Variants in NDUFA10 observed in about 807,000 individuals in gnomAD.
NDUFA10 encodes the protein NADH dehydrogenase [ubiquinone] 1 alpha subcomplex subunit 10, mitochondrial.
NDUFA10 carries 40 observed loss-of-function variants against 47.8 expected under a neutral mutation model. The ratio of observed to expected loss-of-function variants is 0.84; its 90% CI spans 0.65 to 1.09. The LOEUF is 1.09. Among genes scored for constraint, NDUFA10 ranks in the 50% least tolerant of loss-of-function variants. The pLI is 0.00. For synonymous variants in NDUFA10, 183 were observed against 172.2 expected (o/e 1.06, Z -0.49); for missense variants, 413 against 451.1 (o/e 0.92, Z 0.76).
At position 240,014,724 on chromosome 2, in the gene NDUFA10, TG is replaced by T; in HGVS notation, c.669+14del. The T allele has an allele frequency of 6.2e-7, 1 of 1,614,182 alleles. No homozygotes were observed. Among genetic ancestry groups the T allele is most frequent in the Non-Finnish European group, 8.5e-7 (1 of 1,180,006 alleles). The stretch of plus-strand genomic sequence containing the variant: ...AAAATAGAGATGCTTGGCCTTTGAT[TG>T]AAAACTGCATTACATCTCCTTTCTT... On this transcript the variant is annotated intron_variant, in intron 5 of 9. Coordinates refer to ENST00000252711, the MANE Select transcript of NDUFA10 (RefSeq NM_004544.4).
chr2:239,931,712 A>G (rs11677762), intron 4 of NDUFA10, among the ~76,000 whole-genome samples: 125,422 of 152,238 alleles, frequency 0.82, 52,060 homozygotes, highest in African/African-American at 0.93. Context: ...GCGGCCCCCA[A>G]GCTGTAACGT....
At chr2:239,942,612 A>C (rs748443968) in intron 4 of NDUFA10, among the ~76,000 whole-genome samples, 5 of 152,014 alleles carry the variant, frequency 3.3e-5, no homozygotes, top group Non-Finnish European at 7.4e-5. Flanking sequence ...TAGGCAAAGC[A>C]CAGGAATATT....
chr2:239,957,519 T>G lies in NDUFA10; in HGVS notation c.*3599A>C, dbSNP rs1237708125. 1 of 152,240 alleles carries G rather than the reference T, an allele frequency of 6.6e-6. No individual in the cohort carries two copies. Among genetic ancestry groups the G allele is most frequent in the Admixed American group, 6.5e-5 (1 of 15,282 alleles). The allele number at this position is 152,240 out of a possible 1,614,324, so 9.4% of individuals were successfully genotyped here. Reference sequence around the variant, plus strand: ...AAGTGTTCACTTGTGAAAAATTTACTATTAAAATAATTTTTAAATTAAGAA... The same window carrying G: ...AAGTGTTCACTTGTGAAAAATTTACGATTAAAATAATTTTTAAATTAAGAA... On this transcript the variant is annotated 3_prime_UTR_variant, in exon 10 of 10. Coordinates refer to ENST00000252711, the MANE Select transcript of NDUFA10 (RefSeq NM_004544.4).
intron 4 of NDUFA10, among the ~76,000 whole-genome samples, chr2:239,897,189 G>A (rs931872192): frequency 6.6e-6 from 1 of 152,070 alleles, no homozygotes; most frequent in Non-Finnish European, 1.5e-5. Context: ...CGAGCAATAT[G>A]GAAAATTTCC....
intron 4 of NDUFA10, among the ~76,000 whole-genome samples, chr2:239,904,580 C>T (rs996636500): frequency 6.6e-6 from 1 of 152,238 alleles, no homozygotes; most frequent in African/African-American, 2.4e-5. Flanking sequence ...CAGCTGTCAG[C>T]CACCATGCCC....
intron 4 of NDUFA10, among the ~76,000 whole-genome samples, chr2:239,949,734 A>G (rs1303513825): frequency 6.6e-6 from 1 of 152,036 alleles, no homozygotes; most frequent in African/African-American, 2.4e-5. Flanking sequence ...CTCCCACCTC[A>G]GCCTCCCAAA....
At chr2:239,901,837 C>G (rs1693556533) in intron 4 of NDUFA10, among the ~76,000 whole-genome samples, 1 of 151,768 alleles carries the variant, frequency 6.6e-6, no homozygotes, top group Admixed American at 6.6e-5. Context: ...TCATAGGTGA[C>G]TTAAGGGGTT....
chr2:239,960,443 A>C lies in NDUFA10; in HGVS notation c.*675T>G. The C allele has an allele frequency of 1.0e-6, 1 of 988,262 alleles. No homozygotes were observed. Among genetic ancestry groups the C allele is most frequent in the Non-Finnish European group, 1.2e-6 (1 of 831,626 alleles). 61.2% of individuals were successfully genotyped at this position (988,262 alleles called of 1,614,324 possible). Reference sequence around the variant, plus strand: ...AGCCTAAGCTCAAATCTCCCTTCAAAGGAGTTTGAGACGCTGAGGACGGCC... The same window carrying C: ...AGCCTAAGCTCAAATCTCCCTTCAACGGAGTTTGAGACGCTGAGGACGGCC... On this transcript the variant is annotated 3_prime_UTR_variant, in exon 10 of 10. Transcript: ENST00000252711.
chr2:239,935,065 T>TGCTG (rs1694241434), intron 4 of NDUFA10, among the ~76,000 whole-genome samples: 5 of 151,852 alleles, frequency 3.3e-5, no homozygotes, highest in Non-Finnish European at 7.4e-5. Context: ...CCTGGGAGAG[T>TGCTG]CCTTCTCTCT....
Position 239,959,851 on chromosome 2 carries a change from G to A in NDUFA10, c.*1267C>T. 1 of 963,004 alleles carries A rather than the reference G, an allele frequency of 1.0e-6. No individual in the cohort carries two copies. The highest frequency in any genetic ancestry group is 1.8e-5 in the African/African-American group (1 of 56,738). The allele number at this position is 963,004 out of a possible 1,614,324, so 59.7% of individuals were successfully genotyped here. On this transcript the variant is annotated 3_prime_UTR_variant, in exon 10 of 10. Coordinates refer to ENST00000252711, the MANE Select transcript of NDUFA10 (RefSeq NM_004544.4). ...GAGGAAAGAAGGAGGGAAGGAAGGG[G>A]AGAGGGAAAAAGGCAGGCGGACGCA...
Position 240,019,461 on chromosome 2 carries a change from TA to T in NDUFA10, c.461-823del, listed in dbSNP as rs1697517006. On this transcript the variant is annotated intron_variant, in intron 3 of 9. Coordinates refer to ENST00000252711, the MANE Select transcript of NDUFA10 (RefSeq NM_004544.4). ...AAAAAGCAAGGCTTTATTTAACAAGTAAAATGTTTCTTTTTCATTTTAAGAA... is the reference window on the plus strand; with the variant it reads ...AAAAAGCAAGGCTTTATTTAACAAGTAAATGTTTCTTTTTCATTTTAAGAA... 3.9e-5 allele frequency among the ~76,000 whole-genome samples: 6 copies of T among 152,140 alleles called. No individual in the cohort carries two copies. In the South Asian group the frequency reaches 1.2e-3, roughly 31 times the overall value.
At chr2:239,988,801 G>C (rs1159011007) in intron 9 of NDUFA10, among the ~76,000 whole-genome samples, 1 of 152,190 alleles carries the variant, frequency 6.6e-6, no homozygotes, top group Non-Finnish European at 1.5e-5. Context: ...CCCACTCAAA[G>C]AGGGAGAAAC....
intron 4 of NDUFA10, among the ~76,000 whole-genome samples, chr2:239,907,943 C>G (rs533257361): frequency 6.6e-6 from 1 of 152,262 alleles, no homozygotes; most frequent in Non-Finnish European, 1.5e-5. Context: ...AAGACACATG[C>G]ACATGTATGT....
chr2:239,944,990 A>C (rs1426025526), intron 4 of NDUFA10, among the ~76,000 whole-genome samples: 1 of 149,592 alleles, frequency 6.7e-6, no homozygotes, highest in African/African-American at 2.4e-5. Flanking sequence ...CATGGGGGTG[A>C]CTTCCCAGGG....
At chr2:239,930,160 C>CAGT (rs1694139911) in intron 4 of NDUFA10, among the ~76,000 whole-genome samples, 1 of 146,504 alleles carries the variant, frequency 6.8e-6, no homozygotes, top group Admixed American at 6.8e-5. Context: ...CCTCCGCTGC[C>CAGT]CCTGCTTCTC....
chr2:240,015,161 TTA>T (rs1697298802), intron 4 of NDUFA10, among the ~76,000 whole-genome samples: 1 of 152,186 alleles, frequency 6.6e-6, no homozygotes, highest in African/African-American at 2.4e-5. Context: ...ATTAAGCTAC[TTA>T]CACAGAGTAA....
chr2:239,897,138 C>A (rs1288959993), intron 4 of NDUFA10, among the ~76,000 whole-genome samples: 3 of 151,744 alleles, frequency 2.0e-5, no homozygotes, highest in Non-Finnish European at 4.4e-5. Flanking sequence ...GCATGGAAAT[C>A]ACTTTTTATC....
Position 239,933,425 on chromosome 2 carries a change from C to T in NDUFA10, c.295-38111G>A, listed in dbSNP as rs543798749. 9.2e-5 allele frequency among the ~76,000 whole-genome samples: 14 copies of T among 152,220 alleles called. No homozygotes were observed. In the East Asian group the frequency reaches 9.6e-4, roughly 10 times the overall value. ...AAAGGCTGCAGCCGGGCCTGGGGAG[C>T]GACCTGGAGCCAGCTGGTCCTGCCA... is the stretch of plus-strand genomic sequence containing the variant. On this transcript the variant is annotated intron_variant, in intron 4 of 5. Coordinates refer to the NDUFA10 transcript ENST00000419408.
chr2:239,924,950 C>T (rs1178959263), intron 4 of NDUFA10, among the ~76,000 whole-genome samples: 2 of 152,008 alleles, frequency 1.3e-5, no homozygotes, highest in African/African-American at 2.4e-5. Context: ...AAATACAATG[C>T]AGTGTATTTA....
Sources: allele counts gnomAD v4.1 joint callset (sites outside exome capture counted in the v4.1 genomes callset), GRCh38; gene constraint gnomAD v4.1.1; transcripts MANE v1.5; gene names NCBI Gene and HGNC (gene_info 2026-07-23, HGNC 2026-07-21).